C20orf203: variants seen among roughly 807,000 people sequenced by gnomAD.
The protein encoded by C20orf203 is uncharacterized protein C20orf203.
Under a neutral mutation model 15.9 loss-of-function variants are expected in C20orf203, and 16 were observed. The ratio of observed to expected loss-of-function variants is 1.01; its 90% CI spans 0.68 to 1.53. The LOEUF is 1.53. Ranked by LOEUF, C20orf203 falls within the 40% of genes most tolerant of loss-of-function variation. The probability of loss-of-function intolerance (pLI) is 0.00; values close to 1 mark genes in which losing one functional copy is unlikely to be tolerated. For synonymous variants in C20orf203, 98 were observed against 97.2 expected (o/e 1.01, Z -0.05); for missense variants, 263 against 247.5 (o/e 1.06, Z -0.42).
intron 5 of C20orf203, among the ~76,000 whole-genome samples, chr20:32,637,334 A>G (rs1600924888): frequency 6.6e-6 from 1 of 152,122 alleles, no homozygotes; most frequent in African/African-American, 2.4e-5. Flanking sequence ...AACCGCTTGA[A>G]CCCAGGAAGA....
chr20:32,662,954 T>TTTG (rs1340601471), intron 1 of C20orf203, among the ~76,000 whole-genome samples: 33 of 145,686 alleles, frequency 2.3e-4, no homozygotes, highest in Non-Finnish European at 4.1e-4. Context: ...TAAATATAGT[T>TTTG]TTTTTTTTTT....
chr20:32,670,514 AT>A (rs1983139406), intron 1 of C20orf203, among the ~76,000 whole-genome samples: 3 of 151,956 alleles, frequency 2.0e-5, no homozygotes, highest in Admixed American at 6.6e-5. Flanking sequence ...CTCAAAAAAA[AT>A]AAAAATAAAT....
At chr20:32,651,255 G>A in intron 2 of C20orf203, 89 bp from the exon 3 acceptor site, 1 of 441,838 alleles carries the variant, frequency 2.3e-6, no homozygotes, top group Non-Finnish European at 4.0e-6. Context: ...CTACTCAAGT[G>A]GGAGGATCAC....
At chr20:32,667,151 G>A (rs953599001) in intron 1 of C20orf203, among the ~76,000 whole-genome samples, 2 of 152,092 alleles carry the variant, frequency 1.3e-5, no homozygotes, top group African/African-American at 4.8e-5. Context: ...CTGGGGCAGA[G>A]CACAGTGAGT....
intron 1 of C20orf203, among the ~76,000 whole-genome samples, chr20:32,660,039 C>A (rs1014052741): frequency 1.8e-4 from 27 of 152,264 alleles, no homozygotes; most frequent in African/African-American, 6.3e-4. Context: ...CTCAGCAGAT[C>A]TATAAGTCTT....
chr20:32,633,891 C>T lies in C20orf203; in HGVS notation c.*1679G>A, dbSNP rs1982067973. The T allele has an allele frequency of 2.5e-6, 1 of 397,090 alleles. No individual in the cohort carries two copies. The allele number at this position is 397,090 out of a possible 1,614,324, so 24.6% of individuals were successfully genotyped here. A position where few individuals can be genotyped will look rare whatever the true frequency, so the allele number is the denominator to read the frequency against. On this transcript the variant is annotated 3_prime_UTR_variant, in exon 6 of 6. Coordinates refer to ENST00000608990, the MANE Select transcript of C20orf203 (RefSeq NM_182584.4). ...CTGACTTGGGGCCCCTGCTCTGAAC[C>T]TTCCACCCCGTCCGCCTGGACTGGA...
intron 4 of C20orf203, among the ~76,000 whole-genome samples, chr20:32,644,528 C>T (rs1982369658): frequency 6.6e-6 from 1 of 152,248 alleles, no homozygotes; most frequent in East Asian, 1.9e-4. Context: ...GTTGAGCCAG[C>T]CCAGCCTCAG....
At chr20:32,651,413 C>T (rs1410358142) in intron 2 of C20orf203, among the ~76,000 whole-genome samples, 1 of 152,046 alleles carries the variant, frequency 6.6e-6, no homozygotes, top group African/African-American at 2.4e-5. Context: ...AAGATTCTTA[C>T]AGGGTGGACA....
At chr20:32,656,750 G>C (rs1043767845) in intron 1 of C20orf203, 3 of 151,878 alleles carry the variant, frequency 2.0e-5, no homozygotes, top group African/African-American at 7.3e-5. Context: ...TGTAGTCCCA[G>C]CTACTCAGGA....
At chr20:32,644,598 A>G (rs948624131) in intron 4 of C20orf203, among the ~76,000 whole-genome samples, 1 of 152,190 alleles carries the variant, frequency 6.6e-6, no homozygotes, top group South Asian at 2.1e-4. Context: ...AGGCCCTGTG[A>G]CCCTGAGCCT....
At chr20:32,647,408 A>G (rs1166485131) in intron 4 of C20orf203, among the ~76,000 whole-genome samples, 1 of 150,282 alleles carries the variant, frequency 6.7e-6, no homozygotes, top group Admixed American at 6.6e-5. Flanking sequence ...AAAAAAAAAA[A>G]AAAGAAGAAC....
At chr20:32,646,939 C>T (rs561910669) in intron 4 of C20orf203, among the ~76,000 whole-genome samples, 1 of 152,306 alleles carries the variant, frequency 6.6e-6, no homozygotes, top group South Asian at 2.1e-4. Context: ...CCCCATGTCT[C>T]CCAGCAAGAC....
At chr20:32,636,525 C>T (rs182102681) in intron 5 of C20orf203, among the ~76,000 whole-genome samples, 1 of 152,324 alleles carries the variant, frequency 6.6e-6, no homozygotes, top group East Asian at 1.9e-4. Flanking sequence ...TGCCCACCTA[C>T]TTGGAGGCTG....
chr20:32,660,136 G>T (rs1446115661), intron 1 of C20orf203, among the ~76,000 whole-genome samples: 1 of 152,148 alleles, frequency 6.6e-6, no homozygotes, highest in Non-Finnish European at 1.5e-5. Context: ...TGCTACTCCT[G>T]TCCTGTACAG....
At chr20:32,666,627 G>C (rs1983033184) in intron 1 of C20orf203, among the ~76,000 whole-genome samples, 1 of 149,494 alleles carries the variant, frequency 6.7e-6, no homozygotes, top group African/African-American at 2.5e-5. Flanking sequence ...GCCAGGTGTG[G>C]TGGCATGTGC....
intron 5 of C20orf203, among the ~76,000 whole-genome samples, chr20:32,637,932 G>T (rs1410184400): frequency 3.9e-5 from 6 of 152,094 alleles, no homozygotes; most frequent in Non-Finnish European, 7.4e-5. Flanking sequence ...TTGTGTGTGT[G>T]CAGGTGCATG....
chr20:32,649,835 C>T lies in C20orf203; in HGVS notation c.*597G>A, dbSNP rs1568749337. The T allele has an allele frequency of 6.5e-6, 1 of 153,280 alleles. No homozygotes were observed. The highest frequency in any genetic ancestry group is 6.5e-5 in the Admixed American group (1 of 15,454). 9.5% of individuals were successfully genotyped at this position (153,280 alleles called of 1,614,324 possible). A position where few individuals can be genotyped will look rare whatever the true frequency, so the allele number is the denominator to read the frequency against. ...TCGGCCCCGGACCATGGGCTCCCGC[C>T]AGTGCTCCCAATTCCCCAGACCCTG... On this transcript the variant is annotated 3_prime_UTR_variant, in exon 4 of 6. Coordinates refer to ENST00000608990, the MANE Select transcript of C20orf203 (RefSeq NM_182584.4).
rs116195236 is a variant in C20orf203, at chr20:32,669,093, G to A, written c.-264+4539C>T. Reference sequence around the variant, plus strand: ...ATGCAGAGAGTCGTGTGCTGGTAACGGGGCAATTAAAACAGTACTGGTTGA... The same window carrying A: ...ATGCAGAGAGTCGTGTGCTGGTAACAGGGCAATTAAAACAGTACTGGTTGA... On this transcript the variant is annotated intron_variant, in intron 1 of 5. Transcript: ENST00000608990. Among the ~76,000 whole-genome samples the A allele has an allele frequency of 1.5e-3, 229 of 152,288 alleles. 1 individual carries two copies. Among genetic ancestry groups the A allele is most frequent in the African/African-American group, 5.3e-3 (219 of 41,568 alleles).
chr20:32,636,600 A>AG (rs1349146534), intron 5 of C20orf203, among the ~76,000 whole-genome samples: 1 of 152,114 alleles, frequency 6.6e-6, no homozygotes, highest in Non-Finnish European at 1.5e-5. Context: ...TTCCTGCCTC[A>AG]TCGCTCACTG....
Sources: allele counts gnomAD v4.1 joint callset (sites outside exome capture counted in the v4.1 genomes callset), GRCh38; gene constraint gnomAD v4.1.1; transcripts MANE v1.5; gene names NCBI Gene and HGNC (gene_info 2026-07-23, HGNC 2026-07-21).